Variants in PSD3 observed in about 807,000 individuals in gnomAD.
PSD3 encodes the protein pleckstrin and Sec7 domain containing 3.
PSD3 carries 49 observed loss-of-function variants against 105.5 expected under a neutral mutation model. That is an observed-to-expected ratio of 0.46 (90% CI 0.37 to 0.59). The LOEUF (loss-of-function observed/expected upper bound fraction) is 0.59. Among genes scored for constraint, PSD3 ranks in the 20% least tolerant of loss-of-function variants. The probability of loss-of-function intolerance (pLI) is 0.00; values close to 1 mark genes in which losing one functional copy is unlikely to be tolerated. For synonymous variants in PSD3, 557 were observed against 457.8 expected (o/e 1.22, Z -2.77); for missense variants, 1,561 against 1,263.8 (o/e 1.24, Z -3.57).
intron 15 of PSD3, among the ~76,000 whole-genome samples, chr8:18,547,220 T>C (rs924978889): frequency 6.6e-6 from 1 of 152,154 alleles, no homozygotes; most frequent in African/African-American, 2.4e-5. Flanking sequence ...ACTCTAGCAG[T>C]GGATCTGGTT....
intron 14 of PSD3, chr8:18,557,568 G>C (rs757214615): frequency 6.5e-6 from 1 of 153,996 alleles, no homozygotes; most frequent in African/African-American, 2.4e-5. Context: ...GTAAAAAGCA[G>C]AGGACACGAA....
intron 2 of PSD3, among the ~76,000 whole-genome samples, chr8:18,880,861 G>A (rs1260113654): frequency 6.6e-6 from 1 of 152,146 alleles, no homozygotes; most frequent in Non-Finnish European, 1.5e-5. Flanking sequence ...AAGAACTTTA[G>A]CACTTACCTA....
chr8:19,078,748 T>C (rs1232935495), intron 1 of PSD3, among the ~76,000 whole-genome samples: 1 of 151,834 alleles, frequency 6.6e-6, no homozygotes, highest in Non-Finnish European at 1.5e-5. Context: ...CCTAAGAGAA[T>C]TCAGTGTTAG....
At chr8:18,893,888 C>G (rs995979696) in intron 2 of PSD3, among the ~76,000 whole-genome samples, 6 of 152,234 alleles carry the variant, frequency 3.9e-5, no homozygotes, top group African/African-American at 1.4e-4. Context: ...TCCCACTCCC[C>G]TTTAGTGATA....
At chr8:18,797,598 T>G (rs941068025) in intron 8 of PSD3, among the ~76,000 whole-genome samples, 5 of 152,186 alleles carry the variant, frequency 3.3e-5, no homozygotes, top group African/African-American at 1.2e-4. Flanking sequence ...AAATAACATC[T>G]TTATTGGTTG....
chr8:18,711,039 A>G (rs957708195), intron 9 of PSD3, among the ~76,000 whole-genome samples: 3 of 152,164 alleles, frequency 2.0e-5, no homozygotes, highest in Non-Finnish European at 4.4e-5. Context: ...GGCCAAACTA[A>G]GCTTTGTGAG....
At chr8:18,917,555 T>C (rs188635770) in intron 2 of PSD3, among the ~76,000 whole-genome samples, 4 of 152,322 alleles carry the variant, frequency 2.6e-5, no homozygotes, top group Admixed American at 1.3e-4. Flanking sequence ...TTTTGTTATA[T>C]TGATAACATA....
rs1027486759 is a variant in PSD3 at position 18,703,184 on chromosome 8, G to A, written c.2173-47499C>T. On this transcript the variant is annotated intron_variant, in intron 9 of 15. Coordinates refer to ENST00000327040, the MANE Select transcript of PSD3 (RefSeq NM_015310.4). ...CACCACCAGCAGATGCCACTGCCTC[G>A]TCACGAGGGCTTTTCTCCCCAATGA... is the stretch of plus-strand genomic sequence containing the variant. 3.9e-5 allele frequency among the ~76,000 whole-genome samples: 6 copies of A among 152,106 alleles called. 1 individual carries two copies. Among genetic ancestry groups the A allele is most frequent in the East Asian group, 3.9e-4 (2 of 5,176 alleles).
chr8:18,923,897 T>TAC (rs1345518472), intron 2 of PSD3, among the ~76,000 whole-genome samples: 2 of 151,818 alleles, frequency 1.3e-5, no homozygotes, highest in African/African-American at 2.4e-5. Flanking sequence ...TATATATATA[T>TAC]ACATATATGT....
At chr8:18,552,101 T>C (rs2130096335) in intron 15 of PSD3, among the ~76,000 whole-genome samples, 1 of 152,364 alleles carries the variant, frequency 6.6e-6, no homozygotes, top group Non-Finnish European at 1.5e-5. Context: ...TTAGGTGGGC[T>C]GGCAACATAC....
At chr8:19,071,716 T>TCTC (rs1318279481) in intron 1 of PSD3, among the ~76,000 whole-genome samples, 2 of 151,616 alleles carry the variant, frequency 1.3e-5, no homozygotes, top group South Asian at 4.2e-4. Flanking sequence ...TCCGACTTCT[T>TCTC]CTTCTTCTTC....
At chr8:18,869,095 T>C (rs34834696) in intron 3 of PSD3, among the ~76,000 whole-genome samples, 13,417 of 152,094 alleles carry the variant, frequency 0.088, 728 homozygotes, top group South Asian at 0.19. Context: ...TGCTTGTTCT[T>C]AATGGCTTTC....
chr8:18,718,870 G>A (rs551610446), intron 9 of PSD3, among the ~76,000 whole-genome samples: 1 of 152,102 alleles, frequency 6.6e-6, no homozygotes, highest in Non-Finnish European at 1.5e-5. Flanking sequence ...ACAAAAAGGA[G>A]GCAATGGGGA....
At chr8:19,052,159 G>T (rs773802948) in intron 1 of PSD3, among the ~76,000 whole-genome samples, 18 of 152,164 alleles carry the variant, frequency 1.2e-4, no homozygotes, top group Non-Finnish European at 2.1e-4. Flanking sequence ...TGGTGAGAAA[G>T]TCAGAAAGTT....
intron 12 of PSD3, among the ~76,000 whole-genome samples, chr8:18,592,537 A>G (rs557872606): frequency 6.6e-6 from 1 of 152,328 alleles, no homozygotes; most frequent in African/African-American, 2.4e-5. Flanking sequence ...ATGGAAATAA[A>G]TTACACTGGG....
intron 12 of PSD3, among the ~76,000 whole-genome samples, chr8:18,596,126 G>A (rs982004756): frequency 6.6e-6 from 1 of 151,028 alleles, no homozygotes; most frequent in African/African-American, 2.4e-5. Flanking sequence ...CAAATATGTG[G>A]AAATTAAGCA....
intron 1 of PSD3, among the ~76,000 whole-genome samples, chr8:19,034,166 TC>T (rs1827869353): frequency 1.3e-5 from 2 of 152,140 alleles, no homozygotes; most frequent in African/African-American, 4.8e-5. Context: ...TGGCTCTTTT[TC>T]CCAGAGTTAA....
intron 1 of PSD3, among the ~76,000 whole-genome samples, chr8:18,957,668 T>C (rs1344221514): frequency 2.0e-5 from 3 of 152,222 alleles, no homozygotes; most frequent in African/African-American, 7.2e-5. Context: ...CTCAGTACCT[T>C]ATGTCTGGGC....
chr8:18,666,732 G>T (rs567440299), intron 9 of PSD3, among the ~76,000 whole-genome samples: 2 of 143,164 alleles, frequency 1.4e-5, no homozygotes, highest in African/African-American at 5.4e-5. Flanking sequence ...TTTGGGGGGT[G>T]GGGGGAAGTA....
Sources: allele counts gnomAD v4.1 joint callset (sites outside exome capture counted in the v4.1 genomes callset), GRCh38; gene constraint gnomAD v4.1.1; transcripts MANE v1.5; gene names NCBI Gene and HGNC (gene_info 2026-07-23, HGNC 2026-07-21).